COG2: variants seen among roughly 807,000 people sequenced by gnomAD.
The protein encoded by COG2 is conserved oligomeric Golgi complex subunit 2.
Under a neutral mutation model 90.6 loss-of-function variants are expected in COG2, and 52 were observed. That is an observed-to-expected ratio of 0.57 (90% confidence interval 0.46 to 0.72). The LOEUF (loss-of-function observed/expected upper bound fraction) is 0.72. Ranked by LOEUF, COG2 falls within the 30% of genes least tolerant of loss-of-function variation. COG2 has a pLI of 0.00. For synonymous variants in COG2, 337 were observed against 320.4 expected (o/e 1.05, Z -0.55); for missense variants, 829 against 891.2 (o/e 0.93, Z 0.89).
At chr1:230,688,392 G>A in intron 14 of COG2, 28 bp from the exon 15 acceptor site, 1 of 1,612,576 alleles carries the variant, frequency 6.2e-7, no homozygotes, top group Non-Finnish European at 8.5e-7. Flanking sequence ...TGAGCATGAT[G>A]ATTAAATCCA....
chr1:230,650,151 T>A (rs1337569657), intron 1 of COG2, among the ~76,000 whole-genome samples: 1 of 152,244 alleles, frequency 6.6e-6, no homozygotes. Flanking sequence ...ATGACTTTGC[T>A]ATTGTGAATA....
At chr1:230,663,285 T>G in intron 4 of COG2, 64 bp downstream of exon 4, 1 of 1,280,796 alleles carries the variant, frequency 7.8e-7, no homozygotes, top group Admixed American at 2.0e-5. Flanking sequence ...TAACAAGCAC[T>G]TTCAGGCATA....
chr1:230,678,557 G>T, intron 9 of COG2: 2 of 1,169,886 alleles, frequency 1.7e-6, no homozygotes, highest in South Asian at 1.8e-5. Flanking sequence ...TTTCTCCTTT[G>T]TGAGGCAATG....
At chr1:230,678,657 C>T in intron 9 of COG2, 1 of 1,400,098 alleles carries the variant, frequency 7.1e-7, no homozygotes, top group Non-Finnish European at 9.4e-7. Context: ...ATTTAAAGAG[C>T]ACCAGACTTA....
Position 230,672,966 on chromosome 1 carries a change from T to C in COG2, c.899+1326T>C, listed in dbSNP as rs3827745. On this transcript the variant is annotated intron_variant, in intron 8 of 17. Coordinates refer to ENST00000366669, the MANE Select transcript of COG2 (RefSeq NM_007357.3). ...TGAGTTTTTGTTCTTTGCAGAAATA[T>C]GGGGTAATTAATATGCTGCTTGGCC... is the stretch of plus-strand genomic sequence containing the variant. 5.3e-5 allele frequency among the ~76,000 whole-genome samples: 8 copies of C among 152,294 alleles called. No individual in the cohort carries two copies. In the South Asian group the frequency reaches 1.7e-3, roughly 32 times the overall value.
intron 3 of COG2, 71 bp downstream of exon 3, chr1:230,660,894 A>C: frequency 4.8e-6 from 5 of 1,046,782 alleles, no homozygotes; most frequent in Non-Finnish European, 6.8e-6. Flanking sequence ...TCCAAAAAAA[A>C]ATTCCTTTAA....
At chr1:230,645,861 C>T (rs114631149) in intron 1 of COG2, among the ~76,000 whole-genome samples, 5,055 of 152,138 alleles carry the variant, frequency 0.033, 257 homozygotes, top group African/African-American at 0.11. Context: ...AGGGTCCATG[C>T]TCCTATGAGA....
rs567658861 is a variant in COG2 at position 230,671,667 on chromosome 1, C to T, written c.899+27C>T. The T allele has an allele frequency of 2.7e-5, 44 of 1,608,250 alleles. No homozygotes were observed. The Middle Eastern group carries it at 8.3e-4, about 30-fold the overall frequency. Reference sequence around the variant, plus strand: ...TAATTTAAACAACCCTGTGTGGACCCCCACCTCCCTTTCAGTGACCGCACC... The same window carrying T: ...TAATTTAAACAACCCTGTGTGGACCTCCACCTCCCTTTCAGTGACCGCACC... On this transcript the variant is annotated intron_variant, in intron 8 of 17. Transcript: ENST00000366669.
intron 1 of COG2, among the ~76,000 whole-genome samples, chr1:230,645,518 C>T (rs928877922): frequency 6.6e-6 from 1 of 152,188 alleles, no homozygotes; most frequent in African/African-American, 2.4e-5. Context: ...TCACTCCCAT[C>T]ATTAACCTGT....
chr1:230,653,027 C>T (rs1363945050), intron 1 of COG2, among the ~76,000 whole-genome samples: 1 of 152,104 alleles, frequency 6.6e-6, no homozygotes, highest in Non-Finnish European at 1.5e-5. Context: ...AAGATCTACT[C>T]TCTTAGCACA....
In COG2 at chr1:230,693,390, T is replaced by C. The variant is rs1264995273; in HGVS notation, c.2214T>C (p.Pro738=). 2 of 1,601,460 alleles carry C rather than the reference T, an allele frequency of 1.2e-6. No homozygotes were observed. Among genetic ancestry groups the C allele is most frequent in the African/African-American group, 2.7e-5 (2 of 74,526 alleles). Residue 738 remains proline (P), a synonymous_variant, in exon 18 of 18, where the codon CCT becomes CCC. Transcript: ENST00000366669. The stretch of plus-strand genomic sequence containing the variant: ...AGGACCAGGCAACAGCAGAGCAGCC[T>C]TAAGCATCTTGGAAGATCCCGAGGT... ...AAKDQATAEQ[P] is the part of the protein sequence containing the mutation.
chr1:230,676,348 A>T (rs986597551), intron 9 of COG2, among the ~76,000 whole-genome samples: 2 of 151,608 alleles, frequency 1.3e-5, no homozygotes, highest in African/African-American at 4.9e-5. Context: ...TGTCCCCTCT[A>T]CTAATTTGGA....
At position 230,660,860 on chromosome 1, in the gene COG2, A is replaced by C. The variant is rs760957355; in HGVS notation, c.300+37A>C. 2.8e-5 allele frequency: 40 copies of C among 1,405,084 alleles called. No individual in the cohort carries two copies. In the Admixed American group the frequency reaches 7.7e-4, roughly 27 times the overall value. 87.0% of individuals were successfully genotyped at this position (1,405,084 alleles called of 1,614,324 possible). On this transcript the variant is annotated intron_variant, in intron 3 of 17. Coordinates refer to ENST00000366669, the MANE Select transcript of COG2 (RefSeq NM_007357.3). ...GAATAACATCAAACAGTTTACCCTA[A>C]AGCATGATATGCTTGTTTGCCCTTC...
intron 7 of COG2, chr1:230,670,611 T>C (rs1662424832): frequency 6.6e-6 from 1 of 152,128 alleles, no homozygotes; most frequent in Non-Finnish European, 1.5e-5. Flanking sequence ...TGTCAATAAG[T>C]GAAAAAATTT....
chr1:230,657,831 A>G (rs1212368748), intron 1 of COG2, among the ~76,000 whole-genome samples: 4 of 151,554 alleles, frequency 2.6e-5, no homozygotes, highest in Non-Finnish European at 5.9e-5. Flanking sequence ...TCAGTCTCTG[A>G]TATCCTTTCT....
At chr1:230,650,402 G>T (rs1417067235) in intron 1 of COG2, among the ~76,000 whole-genome samples, 2 of 152,068 alleles carry the variant, frequency 1.3e-5, no homozygotes, top group African/African-American at 4.8e-5. Context: ...TGTTCTGATT[G>T]GTGTTAGATG....
At chr1:230,682,193 G>C (rs900509579) in intron 10 of COG2, 1 of 152,174 alleles carries the variant, frequency 6.6e-6, no homozygotes, top group African/African-American at 2.4e-5. Context: ...TGCTGTGCCA[G>C]CTATCAGGCC....
At chr1:230,672,563 G>T (rs1203111682) in intron 8 of COG2, among the ~76,000 whole-genome samples, 2 of 152,012 alleles carry the variant, frequency 1.3e-5, no homozygotes, top group Non-Finnish European at 2.9e-5. Context: ...GGGCGTAGTG[G>T]CTCACACCTG....
At chr1:230,682,292 GGT>G (rs1662768299) in intron 10 of COG2, 1 of 152,170 alleles carries the variant, frequency 6.6e-6, no homozygotes, top group Non-Finnish European at 1.5e-5. Context: ...TCTAGGTGCT[GGT>G]TTGCTCTCCC....
Sources: allele counts gnomAD v4.1 joint callset (sites outside exome capture counted in the v4.1 genomes callset), GRCh38; gene constraint gnomAD v4.1.1; transcripts MANE v1.5; gene names NCBI Gene and HGNC (gene_info 2026-07-23, HGNC 2026-07-21).